KIAA1328: variants seen among roughly 807,000 people sequenced by gnomAD.
KIAA1328 encodes protein hinderin.
KIAA1328 carries 52 observed loss-of-function variants against 68.1 expected under a neutral mutation model. That is an observed-to-expected ratio of 0.76 (90% CI 0.61 to 0.96). The LOEUF (loss-of-function observed/expected upper bound fraction) is 0.96, where lower values mean the gene tolerates loss of function less well. Among genes scored for constraint, KIAA1328 ranks in the 40% least tolerant of loss-of-function variants. KIAA1328 has a pLI of 0.00. For missense variants in KIAA1328, 641 were observed against 677.6 expected (o/e 0.95, Z 0.60); for synonymous variants, 232 against 239.4 (o/e 0.97, Z 0.28).
At chr18:37,106,866 T>A (rs2057790823) in intron 7 of KIAA1328, among the ~76,000 whole-genome samples, 1 of 152,228 alleles carries the variant, frequency 6.6e-6, no homozygotes, top group Admixed American at 6.5e-5. Context: ...TTGCTTACTT[T>A]TAGAGTACAT....
chr18:37,219,595 A>G (rs1376374491), intron 9 of KIAA1328, among the ~76,000 whole-genome samples: 1 of 152,032 alleles, frequency 6.6e-6, no homozygotes, highest in African/African-American at 2.4e-5. Flanking sequence ...TGCTGCACTA[A>G]CAGTGAGCAA....
At chr18:37,218,264 C>G (rs765431009) in intron 9 of KIAA1328, among the ~76,000 whole-genome samples, 1 of 152,224 alleles carries the variant, frequency 6.6e-6, no homozygotes, top group African/African-American at 2.4e-5. Flanking sequence ...GTTGTTATCT[C>G]TTTGAGCAAA....
In KIAA1328 at chr18:37,053,771, C is replaced by G. The variant is rs918491068; in HGVS notation, c.577-13119C>G. Among the ~76,000 whole-genome samples, 6 of 152,196 alleles carry G rather than the reference C, an allele frequency of 3.9e-5. No homozygotes were observed. In the South Asian group the frequency reaches 1.2e-3, roughly 32 times the overall value. On this transcript the variant is annotated intron_variant, in intron 6 of 9. Transcript: ENST00000280020. ...GAGAACAGCATGGGAGTAACCACCC[C>G]CATGATCCAGTCACCTCCCACAAGG...
chr18:37,164,006 G>A (rs2059335852), intron 8 of KIAA1328, among the ~76,000 whole-genome samples: 1 of 152,172 alleles, frequency 6.6e-6, no homozygotes, highest in South Asian at 2.1e-4. Context: ...TAACAGACTA[G>A]TGTTAAGAGT....
intron 4 of KIAA1328, among the ~76,000 whole-genome samples, chr18:36,867,288 C>T (rs1205683494): frequency 1.3e-5 from 2 of 152,152 alleles, no homozygotes; most frequent in Non-Finnish European, 2.9e-5. Context: ...GTATATGGCA[C>T]CTCCCCCACC....
chr18:37,073,645 A>G (rs1193341323), intron 7 of KIAA1328, among the ~76,000 whole-genome samples: 1 of 152,138 alleles, frequency 6.6e-6, no homozygotes, highest in Non-Finnish European at 1.5e-5. Context: ...GAGCAAGTCC[A>G]TTGAGTTTTC....
In KIAA1328 at chr18:37,142,952, T is replaced by G. The variant is rs867080243; in HGVS notation, c.1233-17248T>G. 1.4e-4 allele frequency among the ~76,000 whole-genome samples: 21 copies of G among 151,286 alleles called. No individual in the cohort carries two copies. In the Middle Eastern group the frequency reaches 0.024, roughly 172 times the overall value. On this transcript the variant is annotated intron_variant, in intron 7 of 9. Coordinates refer to ENST00000280020, the MANE Select transcript of KIAA1328 (RefSeq NM_020776.3). Reference sequence around the variant, plus strand: ...TCTGGATTTACTTTGGTTTTTTTTTTTTGTTTTTTTTTTGTTTTTTAAGGC... The same window carrying G: ...TCTGGATTTACTTTGGTTTTTTTTTGTTGTTTTTTTTTTGTTTTTTAAGGC...
chr18:37,093,030 A>G (rs911303779), intron 7 of KIAA1328, among the ~76,000 whole-genome samples: 4 of 152,214 alleles, frequency 2.6e-5, no homozygotes, highest in Admixed American at 6.5e-5. Context: ...CTGAGGAGCT[A>G]TCAGATACTG....
chr18:36,956,955 ATTG>A (rs1348959386), intron 5 of KIAA1328, among the ~76,000 whole-genome samples: 3 of 152,120 alleles, frequency 2.0e-5, no homozygotes, highest in Non-Finnish European at 4.4e-5. Flanking sequence ...CATTTATACT[ATTG>A]TTGTTATTTA....
At chr18:37,175,611 A>G (rs925926124) in intron 9 of KIAA1328, among the ~76,000 whole-genome samples, 1 of 152,130 alleles carries the variant, frequency 6.6e-6, no homozygotes, top group Non-Finnish European at 1.5e-5. Context: ...AAAAAATCAG[A>G]GTACTATGAA....
intron 4 of KIAA1328, among the ~76,000 whole-genome samples, chr18:36,856,350 A>G (rs1420745299): frequency 6.6e-6 from 1 of 152,050 alleles, no homozygotes; most frequent in Admixed American, 6.6e-5. Flanking sequence ...CAGGTCCATT[A>G]AACTCTCTTC....
At chr18:37,136,909 G>A (rs1333504230) in intron 7 of KIAA1328, among the ~76,000 whole-genome samples, 1 of 152,184 alleles carries the variant, frequency 6.6e-6, no homozygotes, top group Non-Finnish European at 1.5e-5. Flanking sequence ...CGCTAATTTA[G>A]CTGTTTAGTG....
intron 4 of KIAA1328, among the ~76,000 whole-genome samples, chr18:36,874,945 C>T (rs2048070479): frequency 6.6e-6 from 1 of 152,108 alleles, no homozygotes. Flanking sequence ...ATCCTTTCCC[C>T]ATTGCTTGTT....
chr18:36,997,051 C>T (rs7233535), intron 6 of KIAA1328, among the ~76,000 whole-genome samples: 111,223 of 151,846 alleles, frequency 0.73, 43,876 homozygotes, highest in South Asian at 0.89. Flanking sequence ...TAGTATGAAA[C>T]TACTTGCCTC....
chr18:36,976,116 G>T (rs190309502), intron 6 of KIAA1328, among the ~76,000 whole-genome samples: 28 of 152,316 alleles, frequency 1.8e-4, no homozygotes, highest in Middle Eastern at 3.4e-3. Flanking sequence ...CAATATGATA[G>T]CAACTCACCA....
chr18:37,072,822 G>A (rs150970221), intron 7 of KIAA1328, among the ~76,000 whole-genome samples: 254 of 152,084 alleles, frequency 1.7e-3, no homozygotes, highest in Non-Finnish European at 2.9e-3. Context: ...CCCTGTGTCC[G>A]TGTGTTCTCA....
intron 7 of KIAA1328, among the ~76,000 whole-genome samples, chr18:37,140,460 G>A (rs1045826330): frequency 6.6e-6 from 1 of 152,012 alleles, no homozygotes; most frequent in African/African-American, 2.4e-5. Context: ...ACAGACTATC[G>A]CGATATAAGA....
intron 9 of KIAA1328, among the ~76,000 whole-genome samples, chr18:37,187,712 T>C (rs557754777): frequency 6.6e-6 from 1 of 152,208 alleles, no homozygotes; most frequent in East Asian, 1.9e-4. Flanking sequence ...CAGGGTTTTT[T>C]CCCCCCACTT....
intron 6 of KIAA1328, among the ~76,000 whole-genome samples, chr18:37,024,957 T>C (rs149785025): frequency 3.3e-5 from 5 of 152,318 alleles, no homozygotes; most frequent in Admixed American, 3.3e-4. Context: ...TGCCACACTG[T>C]CTTCCACAGT....
Sources: gnomAD v4.1 joint callset for allele counts (sites outside exome capture counted in the v4.1 genomes callset) on GRCh38, gnomAD v4.1.1 for gene constraint, MANE v1.5 for transcripts, NCBI Gene and HGNC (gene_info 2026-07-23, HGNC 2026-07-21) for gene names.